Variants in CDC5L observed in about 807,000 individuals in gnomAD.
CDC5L encodes cell division cycle 5-like protein.
Under a neutral mutation model 104.1 loss-of-function variants are expected in CDC5L, and 18 were observed. The ratio of observed to expected loss-of-function variants is 0.17; its 90% CI spans 0.12 to 0.26. The LOEUF (loss-of-function observed/expected upper bound fraction) is 0.26. CDC5L is among the 10% of genes least tolerant of loss of function. The pLI is 1.00. For missense variants in CDC5L, 673 were observed against 956.9 expected, an observed-to-expected ratio of 0.70 and a Z score of 3.91; for synonymous variants, 331 against 322.7, an observed-to-expected ratio of 1.03 and a Z score of -0.28.
At position 44,448,351 on chromosome 6, in the gene CDC5L, T is replaced by C. The variant is rs751693420; in HGVS notation, c.*1640T>C. 4 of 152,178 alleles carry C rather than the reference T, an allele frequency of 2.6e-5. No homozygotes were observed. The highest frequency in any genetic ancestry group is 5.9e-5 in the Non-Finnish European group (4 of 68,020). The allele number at this position is 152,178 out of a possible 1,614,324, so 9.4% of individuals were successfully genotyped here. A position where few individuals can be genotyped will look rare whatever the true frequency, so the allele number is the denominator to read the frequency against. ...TTACTTTAAATATGATAAGAATCGA[T>C]GAGAAGATCTAAGCAAAGGAATGAC... On this transcript the variant is annotated 3_prime_UTR_variant, in exon 16 of 16. Transcript: ENST00000371477.
At chr6:44,402,913 G>T (rs1791196442) in intron 5 of CDC5L, among the ~76,000 whole-genome samples, 1 of 152,084 alleles carries the variant, frequency 6.6e-6, no homozygotes, top group South Asian at 2.1e-4. Flanking sequence ...ACTGATAGTT[G>T]TTTAGATTGT....
chr6:44,444,940 A>G (rs1793378317), intron 14 of CDC5L, among the ~76,000 whole-genome samples: 1 of 152,174 alleles, frequency 6.6e-6, no homozygotes, highest in African/African-American at 2.4e-5. Context: ...TTAGGCTGCC[A>G]GAAGGCTACT....
intron 2 of CDC5L, among the ~76,000 whole-genome samples, chr6:44,392,428 G>T (rs1790664607): frequency 1.3e-5 from 2 of 152,186 alleles, no homozygotes; most frequent in South Asian, 4.1e-4. Flanking sequence ...TTATGATCAT[G>T]ATTCAGTGAA....
At chr6:44,390,469 G>T in intron 2 of CDC5L, 98 bp downstream of exon 2, 1 of 772,798 alleles carries the variant, frequency 1.3e-6, no homozygotes, top group Non-Finnish European at 2.1e-6. Flanking sequence ...AGCAGACATT[G>T]TAATATAACA....
At chr6:44,422,021 G>T (rs530847583) in intron 9 of CDC5L, among the ~76,000 whole-genome samples, 2 of 152,074 alleles carry the variant, frequency 1.3e-5, no homozygotes, top group East Asian at 3.9e-4. Flanking sequence ...CAGGAAATAG[G>T]CAACCAGGAA....
At chr6:44,430,322 C>T (rs916885318) in intron 14 of CDC5L, among the ~76,000 whole-genome samples, 4 of 151,122 alleles carry the variant, frequency 2.6e-5, no homozygotes, top group African/African-American at 9.8e-5. Context: ...AGTACATTTA[C>T]AAAACTTAAA....
intron 4 of CDC5L, among the ~76,000 whole-genome samples, chr6:44,394,166 G>A (rs775439433): frequency 6.6e-6 from 1 of 152,250 alleles, no homozygotes; most frequent in East Asian, 1.9e-4. Context: ...GAGGTGGGTC[G>A]ATCTCTTTAG....
chr6:44,414,482 G>T (rs1275537983), intron 8 of CDC5L, among the ~76,000 whole-genome samples: 1 of 147,092 alleles, frequency 6.8e-6, no homozygotes, highest in East Asian at 2.0e-4. Context: ...TTTAAATTGG[G>T]TTATCTTTTT....
intron 14 of CDC5L, among the ~76,000 whole-genome samples, chr6:44,432,693 A>G (rs1180995050): frequency 2.0e-5 from 3 of 152,218 alleles, no homozygotes; most frequent in African/African-American, 2.4e-5. Flanking sequence ...GTGTGTGTGC[A>G]AGGAGTTTGT....
At chr6:44,417,741 C>A (rs552153513) in intron 8 of CDC5L, among the ~76,000 whole-genome samples, 5 of 152,114 alleles carry the variant, frequency 3.3e-5, no homozygotes, top group African/African-American at 1.2e-4. Flanking sequence ...GACCTGACCC[C>A]CACAAGTTGT....
chr6:44,413,710 A>C (rs1342437102), intron 8 of CDC5L, among the ~76,000 whole-genome samples: 2 of 151,996 alleles, frequency 1.3e-5, no homozygotes, highest in East Asian at 3.9e-4. Context: ...TGGCCTCCCG[A>C]GTAGCTGGTA....
At chr6:44,436,018 T>A (rs531245289) in intron 14 of CDC5L, among the ~76,000 whole-genome samples, 5 of 152,228 alleles carry the variant, frequency 3.3e-5, no homozygotes, top group African/African-American at 1.2e-4. Flanking sequence ...CCTCAAGTGA[T>A]CCACCCACCT....
At chr6:44,436,390 AC>A (rs1337527411) in intron 14 of CDC5L, among the ~76,000 whole-genome samples, 1 of 150,804 alleles carries the variant, frequency 6.6e-6, no homozygotes, top group Non-Finnish European at 1.5e-5. Context: ...GAAGCTTAAA[AC>A]TCAGATTTTG....
intron 14 of CDC5L, among the ~76,000 whole-genome samples, chr6:44,433,239 G>T (rs1184598630): frequency 1.3e-5 from 2 of 152,198 alleles, no homozygotes; most frequent in Non-Finnish European, 2.9e-5. Context: ...GAACAAGGCA[G>T]ACAAGTTCTC....
At position 44,445,488 on chromosome 6, in the gene CDC5L, T is replaced by C. The variant is rs536225005; in HGVS notation, c.2092-167T>C. Among the ~76,000 whole-genome samples, 56 of 152,352 alleles carry C rather than the reference T, an allele frequency of 3.7e-4. 1 individual carries two copies. Among genetic ancestry groups the C allele is most frequent in the Middle Eastern group, 3.4e-3 (1 of 294 alleles). On this transcript the variant is annotated intron_variant, in intron 14 of 15. Coordinates refer to ENST00000371477, the MANE Select transcript of CDC5L (RefSeq NM_001253.4). Reference sequence around the variant, plus strand: ...CCTATAAAACCCTTTAGGTGCAAGATAAATCCTTCTTAAGCTTGATATTTT... The same window carrying C: ...CCTATAAAACCCTTTAGGTGCAAGACAAATCCTTCTTAAGCTTGATATTTT...
At position 44,447,997 on chromosome 6, in the gene CDC5L, G is replaced by A. The variant is rs1163196230; in HGVS notation, c.*1286G>A. ...AATGAGTGGCTATTTTAGACTGGAC[G>A]ATCAAAGAGACCTCTTGGAAGGCAG... On this transcript the variant is annotated 3_prime_UTR_variant, in exon 16 of 16. Transcript: ENST00000371477. The A allele has an allele frequency of 6.6e-6, 1 of 152,138 alleles. No individual in the cohort carries two copies. Among genetic ancestry groups the A allele is most frequent in the Non-Finnish European group, 1.5e-5 (1 of 68,054 alleles). 9.4% of individuals were successfully genotyped at this position (152,138 alleles called of 1,614,324 possible). A position where few individuals can be genotyped will look rare whatever the true frequency, so the allele number is the denominator to read the frequency against.
At chr6:44,402,368 C>T (rs1791171703) in intron 5 of CDC5L, among the ~76,000 whole-genome samples, 4 of 152,048 alleles carry the variant, frequency 2.6e-5, no homozygotes, top group Admixed American at 2.6e-4. Context: ...TGTTTCTTAC[C>T]GAGTTAAAGT....
rs1952979 is a variant in CDC5L at position 44,406,771 on chromosome 6, G to A, written c.903+304G>A. ...TCTACTGAAAATACAAAAATTAGGC[G>A]GGATGGTGGCACACACCTGTAATCG... is the stretch of plus-strand genomic sequence containing the variant. On this transcript the variant is annotated intron_variant, in intron 7 of 15. Coordinates refer to ENST00000371477, the MANE Select transcript of CDC5L (RefSeq NM_001253.4). Among the ~76,000 whole-genome samples, 105,486 of 151,914 alleles carry A rather than the reference G, an allele frequency of 0.69. 38,830 individuals are homozygous for A. The highest frequency in any genetic ancestry group is 0.85 in the Non-Finnish European group (57,569 of 67,970).
At position 44,387,793 on chromosome 6, in the gene CDC5L, C is replaced by T. The variant is rs759264216; in HGVS notation, c.-31C>T. The T allele has an allele frequency of 6.4e-6, 10 of 1,550,404 alleles. No homozygotes were observed. The highest frequency in any genetic ancestry group is 4.9e-5 in the East Asian group (2 of 41,112). ...GTTACTACTTCTCTGAAGCTCCTCTCGGCTGCTTGCCGAGACACCCTGCCG... is the reference window on the plus strand; with the variant it reads ...GTTACTACTTCTCTGAAGCTCCTCTTGGCTGCTTGCCGAGACACCCTGCCG... On this transcript the variant is annotated 5_prime_UTR_variant, in exon 1 of 16. Coordinates refer to ENST00000371477, the MANE Select transcript of CDC5L (RefSeq NM_001253.4).
Sources: allele counts gnomAD v4.1 joint callset (sites outside exome capture counted in the v4.1 genomes callset), GRCh38; gene constraint gnomAD v4.1.1; transcripts MANE v1.5; gene names NCBI Gene and HGNC (gene_info 2026-07-23, HGNC 2026-07-21).